Variants in PCDHGB6 observed in about 807,000 individuals in gnomAD.
PCDHGB6 encodes the protein protocadherin gamma subfamily B, 6.
In PCDHGB6, 51 loss-of-function variants were observed where a neutral mutation model predicts 59.1. That is an observed-to-expected ratio of 0.86 (90% confidence interval 0.69 to 1.09). The LOEUF (loss-of-function observed/expected upper bound fraction) is 1.09. PCDHGB6 is among the 50% of genes least tolerant of loss of function. The pLI, the probability that PCDHGB6 is intolerant of heterozygous loss-of-function variation, is 0.00. For missense variants in PCDHGB6, 1,148 were observed against 1,205.1 expected, an observed-to-expected ratio of 0.95 and a Z score of 0.70; for synonymous variants, 466 against 495.1, an observed-to-expected ratio of 0.94 and a Z score of 0.78.
intron 1 of PCDHGB6, chr5:141,415,641 T>TAA (rs113784532): frequency 8.4e-5 from 108 of 1,280,644 alleles, no homozygotes; most frequent in African/African-American, 8.0e-4. Flanking sequence ...TTACTTTTGT[T>TAA]AAAAAAAAAA....
chr5:141,415,408 G>T, intron 1 of PCDHGB6: 1 of 1,614,224 alleles, frequency 6.2e-7, no homozygotes, highest in Non-Finnish European at 8.5e-7. Context: ...CTCGCACTTT[G>T]TGGGCGTGGA....
At chr5:141,464,009 T>C (rs1187492781) in intron 1 of PCDHGB6, among the ~76,000 whole-genome samples, 1 of 151,950 alleles carries the variant, frequency 6.6e-6, no homozygotes. Context: ...CTCATGCTTG[T>C]AATCCCACAC....
intron 1 of PCDHGB6, chr5:141,414,883 G>T: frequency 6.2e-7 from 1 of 1,614,176 alleles, no homozygotes; most frequent in Non-Finnish European, 8.5e-7. Context: ...CCTGTACCCC[G>T]CCCTCCCCAC....
chr5:141,410,399 G>A lies in PCDHGB6; in HGVS notation c.2197G>A (p.Val733Ile). 6.2e-7 allele frequency: 1 copy of A among 1,614,044 alleles called. No individual in the cohort carries two copies. ...TWDCFHPGLCVKSGPVVPPNY... is the reference protein window; with the variant it reads ...TWDCFHPGLCIKSGPVVPPNY... The stretch of plus-strand genomic sequence containing the variant: ...GGACTGCTTCCATCCTGGTCTCTGT[G>A]TCAAGTCTGGACCTGTAGTTCCCCC... Residue 733 changes from valine (V) to isoleucine (I), a missense_variant, in exon 1 of 4, where the codon GTC (valine) becomes ATC (isoleucine). By Grantham distance (29) the Val-to-Ile change is conservative. Around this residue, in one of 5 missense-constraint regions of PCDHGB6, gnomAD observed 283 missense variants for 318.6 expected, o/e 0.89. Transcript: ENST00000520790.
chr5:141,421,358 C>T (rs2096566137), intron 1 of PCDHGB6: 1 of 1,613,870 alleles, frequency 6.2e-7, no homozygotes, highest in Non-Finnish European at 8.5e-7. Context: ...GAAAAGGGCT[C>T]CTTCGTGGGC....
chr5:141,421,468 C>A (rs759548375), intron 1 of PCDHGB6: 9 of 1,614,096 alleles, frequency 5.6e-6, no homozygotes, highest in Non-Finnish European at 5.9e-6. Flanking sequence ...TGTGAATCCG[C>A]GAAGCGGCAG....
chr5:141,485,444 G>A lies in PCDHGB6; in HGVS notation c.2419-9363G>A. 1 of 1,614,110 alleles carries A rather than the reference G, an allele frequency of 6.2e-7. No individual in the cohort carries two copies. Among genetic ancestry groups the A allele is most frequent in the Non-Finnish European group, 8.5e-7 (1 of 1,180,020 alleles). On this transcript the variant is annotated intron_variant, in intron 1 of 3. Coordinates refer to ENST00000520790, the MANE Select transcript of PCDHGB6 (RefSeq NM_018926.3). This position sits in a 1 kb window ranked among gnomAD's most constrained non-coding sequence, Gnocchi z 5.7. ...AGCCCTGCTCATCAAGAACCCAATC[G>A]ACCGAGAGGCACTGTGTGGGCTCAG...
intron 1 of PCDHGB6, chr5:141,414,036 A>G: frequency 6.2e-7 from 1 of 1,612,018 alleles, no homozygotes; most frequent in South Asian, 1.1e-5. Context: ...CATTCCGAAA[A>G]TTACCTGACA....
At chr5:141,417,555 TAGAGA>T (rs926975589) in intron 1 of PCDHGB6, 38 of 335,630 alleles carry the variant, frequency 1.1e-4, no homozygotes, top group Non-Finnish European at 1.5e-4. Context: ...TTGAAAGAGG[TAGAGA>T]AAAGTCAAGT....
intron 1 of PCDHGB6, chr5:141,422,992 G>A: frequency 6.2e-7 from 1 of 1,614,238 alleles, no homozygotes; most frequent in Non-Finnish European, 8.5e-7. Flanking sequence ...TGGCTACCTG[G>A]TGACCAAGGT....
rs780380650 is a variant in PCDHGB6 at position 141,432,715 on chromosome 5, C to G, written c.2418+22095C>G. 2.5e-6 allele frequency: 4 copies of G among 1,613,996 alleles called. No homozygotes were observed. Among genetic ancestry groups the G allele is most frequent in the Non-Finnish European group, 3.4e-6 (4 of 1,179,970 alleles). On this transcript the variant is annotated intron_variant, in intron 1 of 3. Transcript: ENST00000520790. The surrounding 1 kb of genome is among the most constrained non-coding windows in gnomAD (Gnocchi z 6.0). ...TGGCCGTCCAGGACCACGGCCAGCC[C>G]CCTCTCTCCGCCACTGTCACGCTCA... is the stretch of plus-strand genomic sequence containing the variant.
chr5:141,423,149 A>G (rs763488632), intron 1 of PCDHGB6: 2 of 1,613,554 alleles, frequency 1.2e-6, no homozygotes, highest in Non-Finnish European at 8.5e-7. Context: ...GCGCTCAAGC[A>G]GAGCCTCGTG....
At position 141,490,776 on chromosome 5, in the gene PCDHGB6, G is replaced by A. The variant is rs1234115299; in HGVS notation, c.2419-4031G>A. 4.3e-6 allele frequency: 7 copies of A among 1,614,162 alleles called. No individual in the cohort carries two copies. Among genetic ancestry groups the A allele is most frequent in the African/African-American group, 1.3e-5 (1 of 75,066 alleles). On this transcript the variant is annotated intron_variant, in intron 1 of 3. Transcript: ENST00000520790. This position sits in a 1 kb window ranked among gnomAD's most constrained non-coding sequence, Gnocchi z 5.4. ...CCTCCTTTGTGTATGTCAACCCAGA[G>A]GATGGACGGATCTTTGCCCAGCGTA...
Position 141,476,294 on chromosome 5 carries a change from A to G in PCDHGB6, c.2419-18513A>G. 6.2e-7 allele frequency: 1 copy of G among 1,613,036 alleles called. No homozygotes were observed. The highest frequency in any genetic ancestry group is 8.5e-7 in the Non-Finnish European group (1 of 1,179,642). On this transcript the variant is annotated intron_variant, in intron 1 of 3. Transcript: ENST00000520790. The surrounding 1 kb of genome is among the most constrained non-coding windows in gnomAD (Gnocchi z 7.6). ...CGCGAACCTTGGTTTGGATCTCGGT[A>G]GCCTCTCAGCCCGCAGGTTCCGGGT...
intron 1 of PCDHGB6, among the ~76,000 whole-genome samples, chr5:141,460,620 C>G (rs185269852): frequency 5.6e-4 from 85 of 151,856 alleles, no homozygotes; most frequent in African/African-American, 1.9e-3. Context: ...GATAGATAGA[C>G]AGATACAGAT....
chr5:141,445,134 A>G lies in PCDHGB6; in HGVS notation c.2418+34514A>G, dbSNP rs900226020. ...TTGTAAATAGTATTTTTAAAATTGT[A>G]TCTTCTAATTGTTCATTTCTAGTTT... On this transcript the variant is annotated intron_variant, in intron 1 of 3. Transcript: ENST00000520790. Among the ~76,000 whole-genome samples, 174 of 152,316 alleles carry G rather than the reference A, an allele frequency of 1.1e-3. 4 individuals carry two copies. The highest frequency in any genetic ancestry group is 5.3e-4 in the Non-Finnish European group (36 of 68,016).
Position 141,459,075 on chromosome 5 carries a change from G to C in PCDHGB6, c.2419-35732G>C, listed in dbSNP as rs562572838. ...GTATAATTTATATAACATAAAATTT[G>C]CCTTTTAAAATTATACAGTGCAATG... On this transcript the variant is annotated intron_variant, in intron 1 of 3. Transcript: ENST00000520790. 4.6e-5 allele frequency among the ~76,000 whole-genome samples: 7 copies of C among 152,252 alleles called. No individual in the cohort carries two copies. The East Asian group carries it at 1.4e-3, about 29-fold the overall frequency.
chr5:141,490,700 C>T lies in PCDHGB6; in HGVS notation c.2419-4107C>T. The T allele has an allele frequency of 6.2e-7, 1 of 1,614,152 alleles. No individual in the cohort carries two copies. Among genetic ancestry groups the T allele is most frequent in the Non-Finnish European group, 8.5e-7 (1 of 1,179,984 alleles). ...TCAGATCCAGACACTGGGGATAATG[C>T]CCGCCTCACCTACTCCATTGTAGGA... On this transcript the variant is annotated intron_variant, in intron 1 of 3. Transcript: ENST00000520790. This position sits in a 1 kb window ranked among gnomAD's most constrained non-coding sequence, Gnocchi z 5.4.
rs765751691 is a variant in PCDHGB6 at position 141,431,363 on chromosome 5, C to G, written c.2418+20743C>G. The G allele has an allele frequency of 6.2e-7, 1 of 1,614,024 alleles. No individual in the cohort carries two copies. The highest frequency in any genetic ancestry group is 2.2e-5 in the East Asian group (1 of 44,882). ...ATTGGTGCTGAAACGCGCCCTGGAC[C>G]GCGAAGAAAAGGCTGCTCACCACCT... is the stretch of plus-strand genomic sequence containing the variant. On this transcript the variant is annotated intron_variant, in intron 1 of 3. Transcript: ENST00000520790. This position sits in a 1 kb window ranked among gnomAD's most constrained non-coding sequence, Gnocchi z 4.8.
Sources: allele counts gnomAD v4.1 joint callset (sites outside exome capture counted in the v4.1 genomes callset), GRCh38; gene constraint gnomAD v4.1.1; regional missense constraint gnomAD v4.1.1; non-coding constraint Gnocchi (gnomAD v3.1); transcripts MANE v1.5; gene names NCBI Gene and HGNC (gene_info 2026-07-23, HGNC 2026-07-21).